PPHLN1: variants seen among roughly 807,000 people sequenced by gnomAD.
The protein encoded by PPHLN1 is periphilin 1, also known as periphilin-1.
PPHLN1 carries 29 observed loss-of-function variants against 51.3 expected under a neutral mutation model. That is an observed-to-expected ratio of 0.57 (90% CI 0.42 to 0.77). PPHLN1 has a LOEUF of 0.77. Ranked by LOEUF, PPHLN1 falls within the 30% of genes least tolerant of loss-of-function variation. The probability of loss-of-function intolerance (pLI) is 0.00; values close to 1 mark genes in which losing one functional copy is unlikely to be tolerated. For synonymous variants in PPHLN1, 147 were observed against 147.8 expected (o/e 0.99, Z 0.04); for missense variants, 436 against 438.4 (o/e 0.99, Z 0.05).
chr12:42,402,021 AT>A (rs1348343354), intron 9 of PPHLN1, among the ~76,000 whole-genome samples: 1 of 151,060 alleles, frequency 6.6e-6, no homozygotes, highest in Non-Finnish European at 1.5e-5. Flanking sequence ...CTCCCAGCTA[AT>A]TTTTTTTTGT....
At chr12:42,355,130 C>T (rs1288679420) in intron 3 of PPHLN1, 31 bp from the exon 4 acceptor site, 2 of 1,601,864 alleles carry the variant, frequency 1.2e-6, no homozygotes, top group East Asian at 2.2e-5. Context: ...ATAATGTAAA[C>T]AAATAGCTAA....
intron 2 of PPHLN1, among the ~76,000 whole-genome samples, chr12:42,336,557 C>T (rs1389202300): frequency 2.0e-5 from 3 of 152,286 alleles, no homozygotes; most frequent in South Asian, 2.1e-4. Context: ...TCTTGTCTCT[C>T]GTTGCTCTGG....
intron 5 of PPHLN1, among the ~76,000 whole-genome samples, chr12:42,382,537 G>A (rs2076844320): frequency 6.6e-6 from 1 of 152,172 alleles, no homozygotes; most frequent in Admixed American, 6.5e-5. Flanking sequence ...TGTGTGAGAT[G>A]AATTTGAGGT....
At chr12:42,436,598 A>C (rs1313130835) in intron 9 of PPHLN1, among the ~76,000 whole-genome samples, 6 of 152,146 alleles carry the variant, frequency 3.9e-5, no homozygotes, top group Non-Finnish European at 7.4e-5. Flanking sequence ...CTGCTTCTTA[A>C]TTATAATATC....
At chr12:42,413,720 C>A (rs925293955) in intron 9 of PPHLN1, among the ~76,000 whole-genome samples, 1 of 151,884 alleles carries the variant, frequency 6.6e-6, no homozygotes, top group East Asian at 1.9e-4. Flanking sequence ...TGCCACCACA[C>A]CCAGCTAATT....
chr12:42,385,515 G>A (rs1211704153), intron 6 of PPHLN1, among the ~76,000 whole-genome samples: 1 of 152,128 alleles, frequency 6.6e-6, no homozygotes, highest in Non-Finnish European at 1.5e-5. Context: ...ACTATACTTC[G>A]GGATGATATG....
intron 9 of PPHLN1, 152 bp from the exon 10 acceptor site, chr12:42,441,163 T>C: frequency 9.2e-7 from 1 of 1,089,616 alleles, no homozygotes; most frequent in Non-Finnish European, 1.3e-6. Flanking sequence ...TGGCCTCTGG[T>C]AATAGTGACA....
At chr12:42,337,777 T>TTTTATTTTATTTTA (rs759818493) in intron 2 of PPHLN1, among the ~76,000 whole-genome samples, 69 of 140,446 alleles carry the variant, frequency 4.9e-4, no homozygotes, top group East Asian at 1.2e-3. Flanking sequence ...TTTTATTTTA[T>TTTTATTTTATTTTA]TTTATTTATT....
intron 9 of PPHLN1, among the ~76,000 whole-genome samples, chr12:42,421,741 G>A (rs2081026375): frequency 1.3e-5 from 2 of 152,270 alleles, no homozygotes; most frequent in South Asian, 2.1e-4. Context: ...GCTTTAGAAT[G>A]TATAGTAGAT....
At chr12:42,446,103 C>A (rs1423820618), downstream of PPHLN1, 1 of 1,554,470 alleles carries the variant, frequency 6.4e-7, no homozygotes, top group African/African-American at 1.4e-5. Context: ...CCCCTGCAGC[C>A]CCGGAAGAAA....
intron 9 of PPHLN1, among the ~76,000 whole-genome samples, chr12:42,414,808 T>G (rs1262134378): frequency 1.3e-5 from 2 of 152,366 alleles, no homozygotes; most frequent in African/African-American, 4.8e-5. Context: ...GCCTACTCCA[T>G]TGAATTCTTA....
chr12:42,371,379 A>T (rs11181466), intron 4 of PPHLN1, among the ~76,000 whole-genome samples: 51,457 of 151,798 alleles, frequency 0.34, 9,488 homozygotes, highest in South Asian at 0.46. Context: ...CTGCCTCCCA[A>T]AATTCTGGGA....
intron 9 of PPHLN1, among the ~76,000 whole-genome samples, chr12:42,428,072 T>TG (rs962068098): frequency 2.0e-5 from 3 of 152,154 alleles, no homozygotes; most frequent in African/African-American, 7.2e-5. Context: ...ACCTTACTCC[T>TG]GCAAGAATGG....
intron 9 of PPHLN1, 98 bp downstream of exon 9, chr12:42,399,092 C>T (rs2078557529): frequency 9.3e-6 from 14 of 1,498,878 alleles, no homozygotes; most frequent in East Asian, 2.3e-5. Context: ...CTTTTTCCAC[C>T]TGTAACTCTA....
chr12:42,328,424 CT>C (rs1555174543), intron 1 of PPHLN1, among the ~76,000 whole-genome samples: 1 of 152,122 alleles, frequency 6.6e-6, no homozygotes, highest in African/African-American at 2.4e-5. Flanking sequence ...GTTGATTATC[CT>C]TTTTTAGGGT....
intron 4 of PPHLN1, among the ~76,000 whole-genome samples, chr12:42,362,958 A>G (rs1328047760): frequency 6.6e-6 from 1 of 152,102 alleles, no homozygotes; most frequent in Admixed American, 6.5e-5. Flanking sequence ...GCTTGGTGTA[A>G]AAATGGTGGG....
intron 4 of PPHLN1, 45 bp from the exon 5 acceptor site, chr12:42,374,818 G>C (rs2076112830): frequency 1.4e-6 from 2 of 1,448,542 alleles, no homozygotes; most frequent in Non-Finnish European, 1.9e-6. Context: ...GTATATAGAG[G>C]ATAGAGTATA....
In PPHLN1 at chr12:42,417,779, G is replaced by A. The variant is rs2080531946; in HGVS notation, c.909+18785G>A. 4.0e-5 allele frequency among the ~76,000 whole-genome samples: 6 copies of A among 151,342 alleles called. No individual in the cohort carries two copies. The South Asian group carries it at 6.2e-4, about 16-fold the overall frequency. On this transcript the variant is annotated intron_variant, in intron 9 of 9. Coordinates refer to ENST00000358314, the MANE Select transcript of PPHLN1 (RefSeq NM_201439.2). ...TCAGTGTTTATTTGCCAAGAAGTTC[G>A]ACCAGTTCTGAGTAACTAGATTATT... is the stretch of plus-strand genomic sequence containing the variant.
intron 9 of PPHLN1, among the ~76,000 whole-genome samples, chr12:42,401,737 A>G (rs1045747893): frequency 2.0e-5 from 3 of 152,188 alleles, no homozygotes; most frequent in African/African-American, 4.8e-5. Context: ...TAAGTATGCT[A>G]TCTTTTGAAA....
Sources: allele counts gnomAD v4.1 joint callset (sites outside exome capture counted in the v4.1 genomes callset), GRCh38; gene constraint gnomAD v4.1.1; transcripts MANE v1.5; gene names NCBI Gene and HGNC (gene_info 2026-07-23, HGNC 2026-07-21).